Variants in UST observed in about 807,000 individuals in gnomAD.
UST encodes uronyl 2-sulfotransferase, also known as chondroitin sulfate 2-O-sulfotransferase.
In UST, 21 loss-of-function variants were observed where a neutral mutation model predicts 45.6. The ratio of observed to expected loss-of-function variants is 0.46; its 90% CI spans 0.33 to 0.66. The LOEUF is 0.66. UST is among the 30% of genes least tolerant of loss of function. UST has a pLI of 0.02. For synonymous variants in UST, 215 were observed against 200.6 expected (o/e 1.07, Z -0.61); for missense variants, 463 against 512.4 (o/e 0.90, Z 0.93).
rs1389674285 is a variant in UST, at chr6:148,927,453, A to G, written c.292-13826A>G. 2.0e-5 allele frequency among the ~76,000 whole-genome samples: 3 copies of G among 152,218 alleles called. No individual in the cohort carries two copies. The East Asian group carries it at 5.8e-4, about 29-fold the overall frequency. ...TTCTCATTTTCCATGAGAAGAAAAA[A>G]TAATACAGTCATTTGTCCTACAGTG... On this transcript the variant is annotated intron_variant, in intron 2 of 7. Transcript: ENST00000367463.
At chr6:149,050,707 A>C (rs116009270) in intron 7 of UST, among the ~76,000 whole-genome samples, 1,685 of 152,348 alleles carry the variant, frequency 0.011, 23 homozygotes, top group African/African-American at 0.039. Flanking sequence ...CTTTGGATAC[A>C]TATTAGCCAA....
At chr6:149,052,242 C>T (rs1028746973) in intron 7 of UST, among the ~76,000 whole-genome samples, 2 of 152,114 alleles carry the variant, frequency 1.3e-5, no homozygotes, top group African/African-American at 4.8e-5. Flanking sequence ...GGGAGATTAG[C>T]ATTTTTCTAT....
chr6:148,880,485 G>T (rs992904509), intron 1 of UST, among the ~76,000 whole-genome samples: 3 of 152,198 alleles, frequency 2.0e-5, no homozygotes, highest in African/African-American at 7.2e-5. Flanking sequence ...AAAGTAAAGA[G>T]ATCTTGATAA....
At chr6:149,027,607 C>T (rs1776067757) in intron 7 of UST, 1 of 152,162 alleles carries the variant, frequency 6.6e-6, no homozygotes, top group Non-Finnish European at 1.5e-5. Context: ...TGGGGGTGGT[C>T]TCCACCTCTT....
chr6:148,859,177 T>TAATG (rs551733828), intron 1 of UST, among the ~76,000 whole-genome samples: 1 of 151,490 alleles, frequency 6.6e-6, no homozygotes, highest in Admixed American at 6.6e-5. Flanking sequence ...CCTGACTTTT[T>TAATG]ACCATTCTAA....
At chr6:148,819,077 A>G (rs1377213922) in intron 1 of UST, among the ~76,000 whole-genome samples, 1 of 152,242 alleles carries the variant, frequency 6.6e-6, no homozygotes, top group Non-Finnish European at 1.5e-5. Context: ...GAGAGGCTGC[A>G]TTTGAAGCAA....
At chr6:148,958,404 G>A (rs1780569962) in intron 4 of UST, among the ~76,000 whole-genome samples, 1 of 152,194 alleles carries the variant, frequency 6.6e-6, no homozygotes, top group Non-Finnish European at 1.5e-5. Context: ...TGCACACTGG[G>A]TTGCTGTTGC....
intron 1 of UST, among the ~76,000 whole-genome samples, chr6:148,851,222 T>C (rs1778098177): frequency 1.3e-5 from 2 of 152,298 alleles, no homozygotes; most frequent in South Asian, 4.1e-4. Flanking sequence ...ACATGTAGCC[T>C]CGGGACAGAT....
intron 1 of UST, among the ~76,000 whole-genome samples, chr6:148,750,562 C>T (rs898091312): frequency 2.6e-5 from 4 of 152,130 alleles, no homozygotes; most frequent in African/African-American, 9.7e-5. Flanking sequence ...ATTGCAATAC[C>T]CATTGCATAG....
At chr6:148,957,727 C>G (rs528708380) in intron 4 of UST, among the ~76,000 whole-genome samples, 1 of 152,326 alleles carries the variant, frequency 6.6e-6, no homozygotes, top group South Asian at 2.1e-4. Flanking sequence ...AGCCACCATG[C>G]AAAGCCAAGG....
At chr6:149,026,790 A>G (rs751538620) in intron 7 of UST, among the ~76,000 whole-genome samples, 5 of 152,196 alleles carry the variant, frequency 3.3e-5, no homozygotes, top group African/African-American at 4.8e-5. Context: ...TGTTTTAAAT[A>G]CTTTCCATGA....
intron 2 of UST, among the ~76,000 whole-genome samples, chr6:148,915,283 A>G (rs1467478430): frequency 6.6e-6 from 1 of 152,184 alleles, no homozygotes; most frequent in Non-Finnish European, 1.5e-5. Context: ...AAAGATAGGC[A>G]CCTCTGAGTG....
At chr6:148,786,549 C>T (rs1776739095) in intron 1 of UST, among the ~76,000 whole-genome samples, 1 of 152,148 alleles carries the variant, frequency 6.6e-6, no homozygotes, top group Non-Finnish European at 1.5e-5. Flanking sequence ...CCATTCATGT[C>T]CCTGCAAAGG....
At chr6:148,909,650 C>T (rs1157305400) in intron 2 of UST, among the ~76,000 whole-genome samples, 1 of 152,178 alleles carries the variant, frequency 6.6e-6, no homozygotes, top group Non-Finnish European at 1.5e-5. Context: ...TGTTTAACGT[C>T]CTTCTAGCAG....
intron 1 of UST, among the ~76,000 whole-genome samples, chr6:148,768,870 C>A (rs1776368223): frequency 6.6e-6 from 1 of 152,222 alleles, no homozygotes; most frequent in Non-Finnish European, 1.5e-5. Flanking sequence ...TTGGGCCTCT[C>A]CCTTCTGCTG....
chr6:148,808,361 T>A (rs575679944), intron 1 of UST, among the ~76,000 whole-genome samples: 5 of 152,174 alleles, frequency 3.3e-5, no homozygotes, highest in African/African-American at 7.2e-5. Flanking sequence ...TTAAAAATAC[T>A]TTTTACCAGC....
chr6:148,797,430 CAAAG>C (rs542724865), intron 1 of UST, among the ~76,000 whole-genome samples: 1 of 152,114 alleles, frequency 6.6e-6, no homozygotes, highest in Non-Finnish European at 1.5e-5. Flanking sequence ...ATTGTAAAAA[CAAAG>C]AACTGTGTCA....
chr6:148,933,020 C>T (rs978927823), intron 2 of UST, among the ~76,000 whole-genome samples: 2 of 152,156 alleles, frequency 1.3e-5, no homozygotes, highest in African/African-American at 4.8e-5. Flanking sequence ...GGATCATTTG[C>T]TCATGTCACT....
chr6:148,901,065 T>A (rs553402740), intron 2 of UST, among the ~76,000 whole-genome samples: 1 of 152,326 alleles, frequency 6.6e-6, no homozygotes, highest in South Asian at 2.1e-4. Context: ...ATTCTTAACT[T>A]ATCACACCTG....
Sources: allele counts gnomAD v4.1 joint callset (sites outside exome capture counted in the v4.1 genomes callset), GRCh38; gene constraint gnomAD v4.1.1; transcripts MANE v1.5; gene names NCBI Gene and HGNC (gene_info 2026-07-23, HGNC 2026-07-21).